Variants in TECTA observed in about 807,000 individuals in gnomAD.
TECTA encodes the protein alpha-tectorin.
Under a neutral mutation model 216.8 loss-of-function variants are expected in TECTA, and 128 were observed. The observed-to-expected ratio is 0.59, with a 90% CI of 0.51 to 0.68. The LOEUF (loss-of-function observed/expected upper bound fraction) is 0.68, where lower values mean the gene tolerates loss of function less well. TECTA is among the 30% of genes least tolerant of loss of function. The pLI is 0.00. For synonymous variants in TECTA, 1,089 were observed against 1,117.1 expected, an observed-to-expected ratio of 0.97 and a Z score of 0.50; for missense variants, 2,551 against 2,786.2, an observed-to-expected ratio of 0.92 and a Z score of 1.90.
In TECTA at chr11:121,189,174, A is replaced by G. The variant is rs765423312; in HGVS notation, c.6250+7A>G. On this transcript the variant is annotated splice_region_variant and intron_variant, in intron 22 of 23. Coordinates refer to ENST00000392793, the MANE Select transcript of TECTA (RefSeq NM_005422.4). ...GGACCTATTAGGAGAAAAAGTATGT[A>G]TGTTCCCTAAAACACACCCTAAATT... The G allele has an allele frequency of 6.2e-7, 1 of 1,613,172 alleles. No individual in the cohort carries two copies. Among genetic ancestry groups the G allele is most frequent in the South Asian group, 1.1e-5 (1 of 91,054 alleles).
chr11:121,189,165 A>G lies in TECTA; in HGVS notation c.6248A>G (p.Lys2083Arg), dbSNP rs1243470271. 8 of 1,613,926 alleles carry G rather than the reference A, an allele frequency of 5.0e-6. No individual in the cohort carries two copies. Among genetic ancestry groups the G allele is most frequent in the South Asian group, 2.2e-5 (2 of 91,074 alleles). ...ATTTCAGTGGGACCTATTAGGAGAA[A>G]AAGTATGTATGTTCCCTAAAACACA... ...QIISVGPIRR[K>R]RLDWCEDNGG... Residue 2083 changes from lysine to arginine, a missense_variant and splice_region_variant, in exon 22 of 24, where the codon AAA becomes AGA. Coordinates refer to ENST00000392793, the MANE Select transcript of TECTA (RefSeq NM_005422.4).
rs1205245006 is a variant in TECTA at position 121,113,318 on chromosome 11, C to G, written c.624+109C>G. On this transcript the variant is annotated intron_variant, in intron 5 of 23. Transcript: ENST00000392793. The surrounding 1 kb of genome is among the most constrained non-coding windows in gnomAD (Gnocchi z 4.2). ...TGCCACCAGCTTTTAACTAGAGACG[C>G]AGGTCTGATCTCGCAGGTGGACTAC... The G allele has an allele frequency of 6.3e-7, 1 of 1,583,082 alleles. No individual in the cohort carries two copies. Among genetic ancestry groups the G allele is most frequent in the Non-Finnish European group, 8.6e-7 (1 of 1,160,862 alleles).
At chr11:121,119,454 G>T (rs891428682) in intron 7 of TECTA, among the ~76,000 whole-genome samples, 1 of 152,064 alleles carries the variant, frequency 6.6e-6, no homozygotes, top group African/African-American at 2.4e-5. Context: ...CTGTCCACCT[G>T]GATTTCAAGC....
rs1223042450 is a variant in TECTA, at chr11:121,113,698, C to G, written c.770C>G (p.Ala257Gly). 1.2e-6 allele frequency: 2 copies of G among 1,613,734 alleles called. No individual in the cohort carries two copies. Among genetic ancestry groups the G allele is most frequent in the South Asian group, 2.2e-5 (2 of 91,060 alleles). Reference sequence around the variant, plus strand: ...GTTGATGGAAAGGAAATTGACCCAGCCAATGGCTGCACCTCAAGGGGTAAA... The same window carrying G: ...GTTGATGGAAAGGAAATTGACCCAGGCAATGGCTGCACCTCAAGGGGTAAA... ...FKVDGKEIDP[A>G]NGCTSRGQFL... The change falls in exon 6 of 24, where the codon GCC becomes GGC. Residue 257 changes from alanine to glycine, a missense_variant. Transcript: ENST00000392793. This position sits in a 1 kb window ranked among gnomAD's most constrained non-coding sequence, Gnocchi z 4.2.
chr11:121,127,882 G>A lies in TECTA; in HGVS notation c.1905G>A (p.Gln635=). Residue 635 remains glutamine (Q), a synonymous_variant, in exon 9 of 24, where the codon CAG becomes CAA. Transcript: ENST00000392793. The surrounding 1 kb of genome is among the most constrained non-coding windows in gnomAD (Gnocchi z 5.0). ...TPCTEGCECN[Q]GFVLSTSQCV... is the part of the protein sequence containing the mutation. Reference sequence around the variant, plus strand: ...GCACAGAGGGCTGCGAGTGCAACCAGGGCTTCGTCCTCAGCACCAGCCAGT... The same window carrying A: ...GCACAGAGGGCTGCGAGTGCAACCAAGGCTTCGTCCTCAGCACCAGCCAGT... 1.2e-6 allele frequency: 2 copies of A among 1,614,078 alleles called. No individual in the cohort carries two copies. The highest frequency in any genetic ancestry group is 2.2e-5 in the South Asian group (2 of 91,076).
chr11:121,117,908 G>C (rs542838838), intron 6 of TECTA, among the ~76,000 whole-genome samples: 1 of 152,212 alleles, frequency 6.6e-6, no homozygotes, highest in South Asian at 2.1e-4. Context: ...GAGTGTTGCC[G>C]AGTAACCTGG....
intron 18 of TECTA, among the ~76,000 whole-genome samples, chr11:121,167,499 G>A (rs999902612): frequency 1.3e-5 from 2 of 152,172 alleles, no homozygotes; most frequent in Admixed American, 6.5e-5. Flanking sequence ...AACTTTTAAT[G>A]TCAGATTATC....
chr11:121,108,726 TACAC>T (rs1192159105), intron 3 of TECTA, among the ~76,000 whole-genome samples: 1 of 138,150 alleles, frequency 7.2e-6, no homozygotes, highest in Non-Finnish European at 1.6e-5. Flanking sequence ...CCCACTCCAG[TACAC>T]ACACACTTAC....
intron 12 of TECTA, among the ~76,000 whole-genome samples, chr11:121,148,564 C>T (rs1223860006): frequency 6.6e-6 from 1 of 152,128 alleles, no homozygotes; most frequent in Non-Finnish European, 1.5e-5. Context: ...TTGTTTGTAA[C>T]TGTATCTGAT....
At chr11:121,134,926 C>T (rs2135092001) in intron 10 of TECTA, among the ~76,000 whole-genome samples, 1 of 152,288 alleles carries the variant, frequency 6.6e-6, no homozygotes, top group African/African-American at 2.4e-5. Flanking sequence ...CTCATCTGGG[C>T]CAGCAGACCT....
intron 7 of TECTA, among the ~76,000 whole-genome samples, chr11:121,122,578 A>G (rs146940952): frequency 8.6e-5 from 13 of 150,442 alleles, no homozygotes; most frequent in Admixed American, 4.7e-4. Context: ...TCTCACACCT[A>G]TAATCCCAGC....
chr11:121,145,516 G>C (rs1946825843), intron 11 of TECTA, 39 bp from the exon 12 acceptor site: 1 of 1,606,722 alleles, frequency 6.2e-7, no homozygotes. Flanking sequence ...GAAATCTCTG[G>C]GCCAACTGTG....
In TECTA at chr11:121,153,049, G is replaced by A. The variant is rs1301150240; in HGVS notation, c.4274G>A (p.Cys1425Tyr). The A allele has an allele frequency of 6.2e-7, 1 of 1,614,104 alleles. No individual in the cohort carries two copies. Among genetic ancestry groups the A allele is most frequent in the Non-Finnish European group, 8.5e-7 (1 of 1,180,008 alleles). ...AAGAGCTGCATCCTGCCCCACAGCT[G>A]CGGCTGCTACTCCGATGGCAAATAT... ...NGKSCILPHS[C>Y]GCYSDGKYYE... The change falls in exon 13 of 24, where the codon TGC becomes TAC. Residue 1425 changes from cysteine (C) to tyrosine (Y), a missense_variant. By Grantham distance (194) the Cys-to-Tyr change is radical. Around this residue, in one of 3 missense-constraint regions of TECTA, gnomAD observed 2,375 missense variants for 2,563.9 expected, o/e 0.93. Transcript: ENST00000392793.
chr11:121,116,520 A>T (rs563850964), intron 6 of TECTA, among the ~76,000 whole-genome samples: 1 of 152,310 alleles, frequency 6.6e-6, no homozygotes, highest in East Asian at 1.9e-4. Context: ...CACAGTCTCC[A>T]CTTTGACTTC....
intron 10 of TECTA, among the ~76,000 whole-genome samples, chr11:121,136,519 A>T (rs4935760): frequency 0.26 from 39,537 of 152,110 alleles, 6,354 homozygotes; most frequent in African/African-American, 0.45. Flanking sequence ...AAATACCTAC[A>T]TATAGCCTGT....
intron 10 of TECTA, among the ~76,000 whole-genome samples, chr11:121,131,128 C>A (rs932983517): frequency 6.7e-6 from 1 of 148,530 alleles, no homozygotes; most frequent in South Asian, 2.2e-4. Context: ...GCAGGAGAAT[C>A]GCTTGTACCT....
chr11:121,182,101 G>A (rs570203261), intron 20 of TECTA, among the ~76,000 whole-genome samples: 7 of 152,156 alleles, frequency 4.6e-5, no homozygotes, highest in South Asian at 2.1e-4. Flanking sequence ...GCCAGTCCTC[G>A]GGTACCAGTG....
At chr11:121,169,443 A>G (rs1947089721) in intron 20 of TECTA, among the ~76,000 whole-genome samples, 1 of 152,234 alleles carries the variant, frequency 6.6e-6, no homozygotes, top group Non-Finnish European at 1.5e-5. Context: ...GAATGAATGA[A>G]TGAATGAATG....
intron 6 of TECTA, among the ~76,000 whole-genome samples, chr11:121,117,442 C>T (rs1436620124): frequency 6.6e-6 from 1 of 152,166 alleles, no homozygotes; most frequent in Non-Finnish European, 1.5e-5. Flanking sequence ...ATGTTAGCAA[C>T]CAGAAAATTT....
Sources: allele counts gnomAD v4.1 joint callset (sites outside exome capture counted in the v4.1 genomes callset), GRCh38; gene constraint gnomAD v4.1.1; regional missense constraint gnomAD v4.1.1; non-coding constraint Gnocchi (gnomAD v3.1); transcripts MANE v1.5; gene names NCBI Gene and HGNC (gene_info 2026-07-23, HGNC 2026-07-21).